Variants in MAPK4 observed in about 807,000 individuals in gnomAD.
MAPK4 encodes the protein mitogen-activated protein kinase 4, also known as Erk3-related.
MAPK4 carries 22 observed loss-of-function variants against 47.7 expected under a neutral mutation model. The ratio of observed to expected loss-of-function variants is 0.46; its 90% CI spans 0.33 to 0.66. The LOEUF (loss-of-function observed/expected upper bound fraction) is 0.66. Ranked by LOEUF, MAPK4 falls within the 30% of genes least tolerant of loss-of-function variation. The pLI is 0.02. For missense variants in MAPK4, 736 were observed against 831.7 expected (o/e 0.88, Z 1.42); for synonymous variants, 390 against 365.7 (o/e 1.07, Z -0.76).
In MAPK4 at chr18:50,729,397, C is replaced by T. The variant is rs747597763; in HGVS notation, c.1307C>T (p.Ser436Phe). The T allele has an allele frequency of 3.1e-5, 49 of 1,562,626 alleles. No individual in the cohort carries two copies. The highest frequency in any genetic ancestry group is 4.1e-5 in the Non-Finnish European group (48 of 1,156,672). The change falls in exon 6 of 6, where the codon TCC becomes TTC. Residue 436 changes from serine (S) to phenylalanine (F), a missense_variant. Coordinates refer to ENST00000400384, the MANE Select transcript of MAPK4 (RefSeq NM_002747.4). ...RSCDYKVGSP[S>F]YLDKLLWRDN... ...TGCGACTACAAGGTGGGGTCGCCGT[C>T]CTACCTGGACAAGCTGCTGTGGCGC...
intron 1 of MAPK4, among the ~76,000 whole-genome samples, chr18:50,621,388 G>C (rs1383631007): frequency 6.6e-6 from 1 of 152,212 alleles, no homozygotes; most frequent in Non-Finnish European, 1.5e-5. Context: ...GGGAATGAGA[G>C]TGGGGCAATA....
chr18:50,626,021 C>T (rs1345166325), intron 1 of MAPK4, among the ~76,000 whole-genome samples: 1 of 151,936 alleles, frequency 6.6e-6, no homozygotes, highest in African/African-American at 2.4e-5. Flanking sequence ...GGCTGGAAAC[C>T]CAGGATAAGC....
chr18:50,712,352 G>T (rs1395598500), intron 2 of MAPK4, among the ~76,000 whole-genome samples: 1 of 152,128 alleles, frequency 6.6e-6, no homozygotes, highest in Non-Finnish European at 1.5e-5. Flanking sequence ...CCGTGAGCCT[G>T]GGAGGCAGAG....
chr18:50,675,816 G>A (rs1418348941), intron 2 of MAPK4, among the ~76,000 whole-genome samples: 1 of 151,940 alleles, frequency 6.6e-6, no homozygotes, highest in Non-Finnish European at 1.5e-5. Flanking sequence ...TAGTAGAGAC[G>A]GGGTTTCACC....
chr18:50,621,209 T>A (rs1324252808), intron 1 of MAPK4, among the ~76,000 whole-genome samples: 1 of 152,160 alleles, frequency 6.6e-6, no homozygotes, highest in African/African-American at 2.4e-5. Flanking sequence ...AAACATATGC[T>A]CTTCTTTTCC....
At chr18:50,650,462 G>A (rs1235041599) in intron 1 of MAPK4, among the ~76,000 whole-genome samples, 1 of 152,172 alleles carries the variant, frequency 6.6e-6, no homozygotes, top group Non-Finnish European at 1.5e-5. Flanking sequence ...ATGCATGTGG[G>A]CATGAGACTG....
chr18:50,651,649 T>C (rs2043050657), intron 1 of MAPK4, among the ~76,000 whole-genome samples: 1 of 152,162 alleles, frequency 6.6e-6, no homozygotes, highest in African/African-American at 2.4e-5. Flanking sequence ...AGCGGACACA[T>C]GGCGGCAGTC....
intron 2 of MAPK4, among the ~76,000 whole-genome samples, chr18:50,681,692 G>A (rs569623382): frequency 6.6e-6 from 1 of 152,216 alleles, no homozygotes; most frequent in African/African-American, 2.4e-5. Context: ...CCATTGAATT[G>A]TCTTGGAATC....
chr18:50,729,429 A>C lies in MAPK4; in HGVS notation c.1339A>C (p.Lys447Gln). The C allele has an allele frequency of 6.5e-7, 1 of 1,546,104 alleles. No individual in the cohort carries two copies. The highest frequency in any genetic ancestry group is 8.7e-7 in the Non-Finnish European group (1 of 1,144,918). The change falls in exon 6 of 6, where the codon AAG becomes CAG. Residue 447 changes from lysine to glutamine, a missense_variant. Lys to Gln is a moderately conservative substitution (Grantham distance 53). Coordinates refer to ENST00000400384, the MANE Select transcript of MAPK4 (RefSeq NM_002747.4). Reference protein sequence around the residue: ...YLDKLLWRDNKPHHYSEPKLI... With the variant: ...YLDKLLWRDNQPHHYSEPKLI... ...GGACAAGCTGCTGTGGCGCGACAAC[A>C]AGCCGCACCACTACTCGGAGCCCAA...
chr18:50,718,582 A>G (rs1187896490), intron 3 of MAPK4, among the ~76,000 whole-genome samples: 4 of 152,228 alleles, frequency 2.6e-5, no homozygotes, highest in Non-Finnish European at 5.9e-5. Context: ...GATTTATCTA[A>G]TAAGGAGTAA....
chr18:50,726,022 T>TG lies in MAPK4; in HGVS notation c.918dup (p.Leu307AlafsTer13). ...CCCATGGATCGCCTAACAGCTGAGA[T>TG]GGGGCTGCAACACCCCTACATGAGC... On this transcript the variant is annotated frameshift_variant, in exon 5 of 6. Transcript: ENST00000400384. LOFTEE classifies it high-confidence loss of function. 1 of 1,614,124 alleles carries TG rather than the reference T, an allele frequency of 6.2e-7. No individual in the cohort carries two copies. Among genetic ancestry groups the TG allele is most frequent in the Non-Finnish European group, 8.5e-7 (1 of 1,180,016 alleles).
In MAPK4 at chr18:50,663,920, C is replaced by T. The variant is rs765073743; in HGVS notation, c.-39C>T. 2 of 1,568,164 alleles carry T rather than the reference C, an allele frequency of 1.3e-6. No individual in the cohort carries two copies. Among genetic ancestry groups the T allele is most frequent in the Admixed American group, 1.8e-5 (1 of 55,744 alleles). On this transcript the variant is annotated 5_prime_UTR_variant, in exon 2 of 6. Transcript: ENST00000400384. The stretch of plus-strand genomic sequence containing the variant: ...CGAGACTTGGCCTTTCCTGACTGCC[C>T]CTGTGTTACCTGGGCAGCTCCAGAT...
chr18:50,664,427 A>C lies in MAPK4; in HGVS notation c.469A>C (p.Ile157Leu). ...HRDLKPANIF[I>L]STEDLVLKIG... ...GGACCTGAAGCCCGCCAACATCTTCATCAGCACAGAGGACCTCGTGCTCAA... is the reference window on the plus strand; with the variant it reads ...GGACCTGAAGCCCGCCAACATCTTCCTCAGCACAGAGGACCTCGTGCTCAA... Residue 157 changes from isoleucine (I) to leucine (L), a missense_variant, in exon 2 of 6, where the codon ATC (isoleucine) becomes CTC (leucine). By Grantham distance (5) the Ile-to-Leu change is conservative (BLOSUM62 2). This residue lies in a region of MAPK4 where 327 missense variants were observed against 395.4 expected (regional missense o/e 0.83). Coordinates refer to ENST00000400384, the MANE Select transcript of MAPK4 (RefSeq NM_002747.4). The surrounding 1 kb of genome is among the most constrained non-coding windows in gnomAD (Gnocchi z 6.0). 1 of 1,614,148 alleles carries C rather than the reference A, an allele frequency of 6.2e-7. No homozygotes were observed. Among genetic ancestry groups the C allele is most frequent in the South Asian group, 1.1e-5 (1 of 91,076 alleles).
At chr18:50,676,659 C>G (rs1908289913) in intron 2 of MAPK4, among the ~76,000 whole-genome samples, 1 of 152,120 alleles carries the variant, frequency 6.6e-6, no homozygotes, top group South Asian at 2.1e-4. Context: ...TAGAGAGAAC[C>G]CAATGCATGA....
intron 2 of MAPK4, among the ~76,000 whole-genome samples, chr18:50,686,361 C>T (rs1908879758): frequency 6.6e-6 from 1 of 152,166 alleles, no homozygotes; most frequent in Non-Finnish European, 1.5e-5. Context: ...GGAGAGATTT[C>T]CAGCAACAGG....
rs556610176 is a variant in MAPK4 at position 50,582,291 on chromosome 18, A to G, written c.-871+22048A>G. On this transcript the variant is annotated intron_variant, in intron 1 of 5. Transcript: ENST00000400384. ...GTTCTGTGGTACAGCGAGGATGCTC[A>G]GGTGCGGGTGCCCTTACTGAGAAAG... 5.3e-4 allele frequency among the ~76,000 whole-genome samples: 81 copies of G among 152,308 alleles called. 2 individuals carry two copies. In the South Asian group the frequency reaches 0.016, roughly 30 times the overall value.
rs537844725 is a variant in MAPK4, at chr18:50,587,395, G to A, written c.-871+27152G>A. 2.4e-4 allele frequency among the ~76,000 whole-genome samples: 37 copies of A among 152,236 alleles called. No individual in the cohort carries two copies. In the East Asian group the frequency reaches 6.2e-3, roughly 25 times the overall value. ...TTTCAGACCTCCCAGCCTCCAAAACGGTTAGAAATAAATTTATGTTGTTTA... is the reference window on the plus strand; with the variant it reads ...TTTCAGACCTCCCAGCCTCCAAAACAGTTAGAAATAAATTTATGTTGTTTA... On this transcript the variant is annotated intron_variant, in intron 1 of 5. Transcript: ENST00000400384.
intron 1 of MAPK4, among the ~76,000 whole-genome samples, chr18:50,630,779 G>A (rs2042822552): frequency 6.6e-6 from 1 of 152,092 alleles, no homozygotes. Context: ...TGGCTGTGCC[G>A]CTGCCATCCC....
At chr18:50,576,282 G>A (rs1305035386) in intron 1 of MAPK4, among the ~76,000 whole-genome samples, 1 of 152,160 alleles carries the variant, frequency 6.6e-6, no homozygotes, top group Non-Finnish European at 1.5e-5. Flanking sequence ...CATGGTACAT[G>A]TACACCATGG....
Sources: gnomAD v4.1 joint callset for allele counts (sites outside exome capture counted in the v4.1 genomes callset) on GRCh38, gnomAD v4.1.1 for gene constraint, gnomAD v4.1.1 regional missense constraint, Gnocchi (gnomAD v3.1) non-coding constraint, MANE v1.5 for transcripts, NCBI Gene and HGNC (gene_info 2026-07-23, HGNC 2026-07-21) for gene names.